ST8SIA1: variants seen among roughly 807,000 people sequenced by gnomAD.
The protein encoded by ST8SIA1 is alpha-N-acetylneuraminide alpha-2,8-sialyltransferase.
ST8SIA1 carries 16 observed loss-of-function variants against 35.9 expected under a neutral mutation model. The ratio of observed to expected loss-of-function variants is 0.45; its 90% CI spans 0.30 to 0.68. ST8SIA1 has a LOEUF of 0.68. ST8SIA1 is among the 30% of genes least tolerant of loss of function. ST8SIA1 has a pLI of 0.09. For missense variants in ST8SIA1, 383 were observed against 453.6 expected (o/e 0.84, Z 1.41); for synonymous variants, 170 against 169.6 (o/e 1.00, Z -0.02).
chr12:22,219,417 T>C (rs1007736650), intron 4 of ST8SIA1, among the ~76,000 whole-genome samples: 2 of 152,154 alleles, frequency 1.3e-5, no homozygotes, highest in African/African-American at 4.8e-5. Context: ...TCTCTTGGGA[T>C]GCAGCAGTGG....
At chr12:22,217,622 T>C (rs1865248545) in intron 4 of ST8SIA1, among the ~76,000 whole-genome samples, 1 of 152,186 alleles carries the variant, frequency 6.6e-6, no homozygotes, top group Non-Finnish European at 1.5e-5. Context: ...AAAATAATAA[T>C]AGCGTGTATT....
chr12:22,314,537 T>C (rs924587597), intron 1 of ST8SIA1, among the ~76,000 whole-genome samples: 1 of 152,178 alleles, frequency 6.6e-6, no homozygotes, highest in Non-Finnish European at 1.5e-5. Context: ...ACTGGCTCAA[T>C]TAGCAGAAGA....
chr12:22,308,919 C>T (rs1866416615), intron 1 of ST8SIA1, among the ~76,000 whole-genome samples: 1 of 152,040 alleles, frequency 6.6e-6, no homozygotes, highest in Admixed American at 6.6e-5. Flanking sequence ...TATGATTGTC[C>T]CAAGGCTTAC....
intron 4 of ST8SIA1, among the ~76,000 whole-genome samples, chr12:22,237,239 T>C (rs1026360281): frequency 6.6e-6 from 1 of 152,074 alleles, no homozygotes; most frequent in Non-Finnish European, 1.5e-5. Context: ...ACTAGCACTA[T>C]AGACGCCATG....
intron 1 of ST8SIA1, among the ~76,000 whole-genome samples, chr12:22,327,932 A>G (rs1054992166): frequency 1.3e-5 from 2 of 152,198 alleles, no homozygotes; most frequent in African/African-American, 2.4e-5. Flanking sequence ...AAGGTTTCTT[A>G]AATCCTGTCG....
chr12:22,333,937 G>A, intron 1 of ST8SIA1, 60 bp downstream of exon 1: 4 of 1,472,126 alleles, frequency 2.7e-6, no homozygotes, highest in Admixed American at 3.3e-5. Flanking sequence ...CGGTGACCCT[G>A]TCCTCTGCAC....
chr12:22,289,219 A>T (rs1866144501), intron 1 of ST8SIA1, among the ~76,000 whole-genome samples: 1 of 152,204 alleles, frequency 6.6e-6, no homozygotes, highest in Non-Finnish European at 1.5e-5. Context: ...TTTAGTTCCT[A>T]TCCCATGTCT....
chr12:22,211,023 C>G (rs1316361805), intron 4 of ST8SIA1, among the ~76,000 whole-genome samples: 2 of 152,202 alleles, frequency 1.3e-5, no homozygotes, highest in Admixed American at 1.3e-4. Context: ...AACACAGCAG[C>G]TTGGAGTTTC....
chr12:22,250,796 T>G (rs1865660238), intron 3 of ST8SIA1: 1 of 152,232 alleles, frequency 6.6e-6, no homozygotes, highest in African/African-American at 2.4e-5. Context: ...AGAATCTTCT[T>G]TTTATCTGCT....
chr12:22,304,144 C>T (rs1348487095), intron 1 of ST8SIA1, among the ~76,000 whole-genome samples: 3 of 152,030 alleles, frequency 2.0e-5, no homozygotes, highest in Non-Finnish European at 2.9e-5. Flanking sequence ...TCTAAAATAA[C>T]AGCAATTTGT....
intron 2 of ST8SIA1, among the ~76,000 whole-genome samples, 181 bp from the exon 3 acceptor site, chr12:22,255,570 T>C (rs905041632): frequency 6.6e-6 from 1 of 152,128 alleles, no homozygotes; most frequent in Non-Finnish European, 1.5e-5. Context: ...TGCCTTGAAA[T>C]TTAAAAAGCA....
intron 4 of ST8SIA1, among the ~76,000 whole-genome samples, chr12:22,228,757 A>T (rs1408844771): frequency 6.6e-6 from 1 of 152,124 alleles, no homozygotes; most frequent in Non-Finnish European, 1.5e-5. Context: ...CCGAGATTCC[A>T]TTTAAAAATT....
chr12:22,334,442 A>C lies in ST8SIA1; in HGVS notation c.-210T>G. 1.7e-6 allele frequency: 1 copy of C among 593,350 alleles called. No individual in the cohort carries two copies. Among genetic ancestry groups the C allele is most frequent in the East Asian group, 2.8e-5 (1 of 35,854 alleles). The allele number at this position is 593,350 out of a possible 1,614,324, so 36.8% of individuals were successfully genotyped here. On this transcript the variant is annotated 5_prime_UTR_variant, in exon 1 of 5. The change abolishes the stop of an existing upstream ORF in the 5' untranslated region. Transcript: ENST00000396037. ...GCAACTTTTCCAAGGATTTCTTTCTAGGGGAAGTGGCTGGGGGTGAAGTCA... is the reference window on the plus strand; with the variant it reads ...GCAACTTTTCCAAGGATTTCTTTCTCGGGGAAGTGGCTGGGGGTGAAGTCA...
chr12:22,220,630 C>T (rs1399428265), intron 4 of ST8SIA1, among the ~76,000 whole-genome samples: 1 of 152,192 alleles, frequency 6.6e-6, no homozygotes, highest in Non-Finnish European at 1.5e-5. Context: ...CTTAAATTTG[C>T]CAATTAAAAG....
At chr12:22,333,453 G>A (rs147546000) in intron 1 of ST8SIA1, among the ~76,000 whole-genome samples, 170 of 152,322 alleles carry the variant, frequency 1.1e-3, no homozygotes, top group African/African-American at 3.6e-3. Context: ...GCACAGTATC[G>A]TCTCTTAGTA....
At chr12:22,317,825 C>G (rs1866539535) in intron 1 of ST8SIA1, among the ~76,000 whole-genome samples, 1 of 152,210 alleles carries the variant, frequency 6.6e-6, no homozygotes, top group Non-Finnish European at 1.5e-5. Context: ...GTGGGGATCA[C>G]TGGGACCCAT....
rs1565564260 is a variant in ST8SIA1 at position 22,198,855 on chromosome 12, T to A, written c.*2697A>T. On this transcript the variant is annotated 3_prime_UTR_variant, in exon 5 of 5. Coordinates refer to ENST00000396037, the MANE Select transcript of ST8SIA1 (RefSeq NM_003034.4). ...GTGCATTGTAAGATCTTTAGCAGGA[T>A]CCCTAACCTCTACTAAGTACATGCT... The A allele has an allele frequency of 6.6e-6, 1 of 152,096 alleles. No homozygotes were observed. The highest frequency in any genetic ancestry group is 1.5e-5 in the Non-Finnish European group (1 of 68,032). The allele number at this position is 152,096 out of a possible 1,614,324, so 9.4% of individuals were successfully genotyped here. A position where few individuals can be genotyped will look rare whatever the true frequency, so the allele number is the denominator to read the frequency against.
chr12:22,312,153 C>T (rs181143935), intron 1 of ST8SIA1, among the ~76,000 whole-genome samples: 23 of 152,226 alleles, frequency 1.5e-4, no homozygotes, highest in Non-Finnish European at 2.9e-4. Context: ...TCTAAATAAA[C>T]GTATAAACTA....
At chr12:22,290,107 T>C (rs889127328) in intron 1 of ST8SIA1, among the ~76,000 whole-genome samples, 1 of 152,204 alleles carries the variant, frequency 6.6e-6, no homozygotes, top group Non-Finnish European at 1.5e-5. Flanking sequence ...TGTAGAAATA[T>C]TTTTAAATCC....
Sources: allele counts gnomAD v4.1 joint callset (sites outside exome capture counted in the v4.1 genomes callset), GRCh38; gene constraint gnomAD v4.1.1; transcripts MANE v1.5; gene names NCBI Gene and HGNC (gene_info 2026-07-23, HGNC 2026-07-21).